Variants in UBL3 observed in about 807,000 individuals in gnomAD.
UBL3 encodes the protein ubiquitin like 3.
A neutral mutation model predicts 18.4 loss-of-function variants in UBL3; 6 were observed. The observed-to-expected ratio is 0.33, with a 90% CI of 0.18 to 0.64. The LOEUF (loss-of-function observed/expected upper bound fraction) is 0.64, where lower values mean the gene tolerates loss of function less well. Ranked by LOEUF, UBL3 falls within the 30% of genes least tolerant of loss-of-function variation. The pLI, the probability that UBL3 is intolerant of heterozygous loss-of-function variation, is 0.76. For missense variants in UBL3, 109 were observed against 142.9 expected, an observed-to-expected ratio of 0.76 and a Z score of 1.21; for synonymous variants, 49 against 46.6, an observed-to-expected ratio of 1.05 and a Z score of -0.21.
chr13:29,830,634 T>A (rs867456244), intron 1 of UBL3, among the ~76,000 whole-genome samples: 161 of 152,308 alleles, frequency 1.1e-3, no homozygotes, highest in African/African-American at 3.8e-3. Context: ...AATAGAAATA[T>A]TCACCTTTGT....
At chr13:29,833,294 A>C (rs981334181) in intron 1 of UBL3, among the ~76,000 whole-genome samples, 2 of 152,228 alleles carry the variant, frequency 1.3e-5, no homozygotes, top group African/African-American at 4.8e-5. Flanking sequence ...TCGGGTTAAA[A>C]AGTAGTGGAG....
chr13:29,820,155 G>A (rs975886049), intron 1 of UBL3, among the ~76,000 whole-genome samples: 1 of 147,142 alleles, frequency 6.8e-6, no homozygotes, highest in Admixed American at 6.9e-5. Context: ...CCCACTGAGA[G>A]GCCCTCAGAG....
At chr13:29,828,280 A>C (rs2761931) in intron 1 of UBL3, among the ~76,000 whole-genome samples, 15,536 of 152,190 alleles carry the variant, frequency 0.1, 977 homozygotes, top group African/African-American at 0.17. Context: ...GTGTTTTCCA[A>C]CTTGGTTCCA....
chr13:29,777,348 A>C (rs975278874), intron 1 of UBL3, 85 bp from the exon 2 acceptor site: 19 of 1,071,908 alleles, frequency 1.8e-5, no homozygotes, highest in Non-Finnish European at 2.6e-5. Flanking sequence ...CATTTCAATC[A>C]CATCCTAAAT....
chr13:29,849,493 T>C lies in UBL3; in HGVS notation c.27+19A>G. On this transcript the variant is annotated intron_variant, in intron 1 of 4. Coordinates refer to ENST00000380680, the MANE Select transcript of UBL3 (RefSeq NM_007106.4). Reference sequence around the variant, plus strand: ...GGAAACCACAATTAAATCAGTGTCATAACTTATCCGTCACTTACCATATCC... The same window carrying C: ...GGAAACCACAATTAAATCAGTGTCACAACTTATCCGTCACTTACCATATCC... 1 of 1,614,118 alleles carries C rather than the reference T, an allele frequency of 6.2e-7. No individual in the cohort carries two copies.
intron 1 of UBL3, among the ~76,000 whole-genome samples, chr13:29,840,621 G>C (rs1879073670): frequency 6.6e-6 from 1 of 151,998 alleles, no homozygotes; most frequent in Non-Finnish European, 1.5e-5. Context: ...TAAAAGCTAG[G>C]TTTATCCAGA....
Position 29,793,703 on chromosome 13 carries a change from A to G in UBL3, c.28-16440T>C, listed in dbSNP as rs1476665014. Among the ~76,000 whole-genome samples, 4 of 152,214 alleles carry G rather than the reference A, an allele frequency of 2.6e-5. 1 individual carries two copies. Among genetic ancestry groups the G allele is most frequent in the South Asian group, 4.1e-4 (2 of 4,836 alleles). On this transcript the variant is annotated intron_variant, in intron 1 of 4. Transcript: ENST00000380680. ...GAGGGATGCCAGAAGTTGCTACCAT[A>G]TATCAATGATAACTCAGAGTAACTA... is the stretch of plus-strand genomic sequence containing the variant.
At chr13:29,781,727 T>TA (rs1362957012) in intron 1 of UBL3, among the ~76,000 whole-genome samples, 2 of 150,838 alleles carry the variant, frequency 1.3e-5, no homozygotes, top group Non-Finnish European at 2.9e-5. Context: ...CTCACGGCTG[T>TA]AATCTCAGCA....
At chr13:29,775,399 T>G (rs751062224) in intron 2 of UBL3, among the ~76,000 whole-genome samples, 3 of 152,196 alleles carry the variant, frequency 2.0e-5, no homozygotes, top group Non-Finnish European at 4.4e-5. Flanking sequence ...CGTATATTAT[T>G]TAAGGTTGAG....
chr13:29,794,025 T>C (rs755025880), intron 1 of UBL3, among the ~76,000 whole-genome samples: 1 of 152,132 alleles, frequency 6.6e-6, no homozygotes, highest in Non-Finnish European at 1.5e-5. Context: ...TTTAGGTTTT[T>C]AGTAGAGATA....
intron 3 of UBL3, among the ~76,000 whole-genome samples, chr13:29,769,067 CCTGCCCTTTGTAG>C (rs1275972935): frequency 6.6e-6 from 1 of 152,070 alleles, no homozygotes; most frequent in African/African-American, 2.4e-5. Flanking sequence ...AATTCCATTA[CCTGCCCTTTGTAG>C]CTGTGTCCAT....
intron 1 of UBL3, among the ~76,000 whole-genome samples, chr13:29,835,026 C>A (rs1878880821): frequency 1.4e-5 from 2 of 144,344 alleles, no homozygotes; most frequent in African/African-American, 5.1e-5. Context: ...TATGAAAAAT[C>A]TACTATACAA....
At chr13:29,772,015 A>G (rs1876853544) in intron 3 of UBL3, 97 bp downstream of exon 3, 1 of 1,066,282 alleles carries the variant, frequency 9.4e-7, no homozygotes, top group Non-Finnish European at 1.4e-6. Context: ...TGAATTTATC[A>G]TTTTTTTTAG....
intron 1 of UBL3, among the ~76,000 whole-genome samples, chr13:29,780,792 ACT>A (rs1877134649): frequency 1.3e-5 from 2 of 151,908 alleles, no homozygotes; most frequent in Admixed American, 1.3e-4. Flanking sequence ...AGAGATCAGG[ACT>A]CTCTTGCTGC....
At chr13:29,795,082 G>A (rs959588992) in intron 1 of UBL3, among the ~76,000 whole-genome samples, 3 of 152,102 alleles carry the variant, frequency 2.0e-5, no homozygotes, top group Admixed American at 1.3e-4. Flanking sequence ...CAGGCTATTC[G>A]CTCATGAATG....
chr13:29,820,239 C>T (rs1401624315), intron 1 of UBL3, among the ~76,000 whole-genome samples: 1 of 144,494 alleles, frequency 6.9e-6, no homozygotes, highest in African/African-American at 2.6e-5. Context: ...CTCAGTGGCT[C>T]GATCTCGGCT....
At chr13:29,821,636 T>C (rs991766047) in intron 1 of UBL3, among the ~76,000 whole-genome samples, 3 of 152,234 alleles carry the variant, frequency 2.0e-5, no homozygotes, top group Non-Finnish European at 1.5e-5. Flanking sequence ...TGTATGTGTA[T>C]CATTTATTCA....
intron 1 of UBL3, among the ~76,000 whole-genome samples, chr13:29,834,690 G>T (rs1878873630): frequency 6.6e-6 from 1 of 152,118 alleles, no homozygotes; most frequent in Non-Finnish European, 1.5e-5. Context: ...AGAAGCTGAG[G>T]TTGAAATATC....
At chr13:29,787,161 A>G (rs942761677) in intron 1 of UBL3, among the ~76,000 whole-genome samples, 1 of 152,150 alleles carries the variant, frequency 6.6e-6, no homozygotes, top group African/African-American at 2.4e-5. Flanking sequence ...CTTGCTTTCT[A>G]TGTAAACTGT....
Sources: allele counts gnomAD v4.1 joint callset (sites outside exome capture counted in the v4.1 genomes callset), GRCh38; gene constraint gnomAD v4.1.1; transcripts MANE v1.5; gene names NCBI Gene and HGNC (gene_info 2026-07-23, HGNC 2026-07-21).